Variants in EPB41L3 observed in about 807,000 individuals in gnomAD.
EPB41L3 encodes the protein erythrocyte membrane protein band 4.1 like 3, also known as band 4.1-like protein 3.
A neutral mutation model predicts 127.1 loss-of-function variants in EPB41L3; 57 were observed. The ratio of observed to expected loss-of-function variants is 0.45; its 90% confidence interval spans 0.36 to 0.56. The LOEUF is 0.56. Ranked by LOEUF, EPB41L3 falls within the 20% of genes least tolerant of loss-of-function variation. The pLI, the probability that EPB41L3 is intolerant of heterozygous loss-of-function variation, is 0.00. For missense variants in EPB41L3, 1,273 were observed against 1,372.2 expected (o/e 0.93, Z 1.14); for synonymous variants, 572 against 549.5 (o/e 1.04, Z -0.57).
At chr18:5,419,300 G>A (rs1164794448) in intron 12 of EPB41L3, among the ~76,000 whole-genome samples, 1 of 152,166 alleles carries the variant, frequency 6.6e-6, no homozygotes, top group African/African-American at 2.4e-5. Flanking sequence ...ACAGTCAGAA[G>A]AATGGCAATA....
intron 3 of EPB41L3, among the ~76,000 whole-genome samples, chr18:5,475,168 C>T (rs113425655): frequency 3.9e-5 from 6 of 152,144 alleles, no homozygotes; most frequent in African/African-American, 7.2e-5. Context: ...CTATAATTCT[C>T]GCTGAATATG....
chr18:5,477,929 C>A (rs2087571812), intron 3 of EPB41L3, among the ~76,000 whole-genome samples: 1 of 152,166 alleles, frequency 6.6e-6, no homozygotes, highest in Non-Finnish European at 1.5e-5. Flanking sequence ...TAAATAATAG[C>A]TCGCAGTCAG....
chr18:5,593,457 G>C (rs1223626614), intron 3 of EPB41L3, among the ~76,000 whole-genome samples: 1 of 152,010 alleles, frequency 6.6e-6, no homozygotes, highest in Non-Finnish European at 1.5e-5. Context: ...GTACGAATAG[G>C]GTGTGGGTCA....
rs192237391 is a variant in EPB41L3 at position 5,617,078 on chromosome 18, C to T, written c.-467-2655G>A. Reference sequence around the variant, plus strand: ...TTATTGTATCAATTTACCTTCTTCCCTCCAGTGATGTATAAGATTTGGTAT... The same window carrying T: ...TTATTGTATCAATTTACCTTCTTCCTTCCAGTGATGTATAAGATTTGGTAT... On this transcript the variant is annotated intron_variant, in intron 1 of 21. Coordinates refer to the EPB41L3 transcript ENST00000545076. 1.5e-3 allele frequency among the ~76,000 whole-genome samples: 223 copies of T among 152,250 alleles called. 2 individuals carry two copies. The highest frequency in any genetic ancestry group is 4.9e-4 in the Non-Finnish European group (33 of 68,028).
chr18:5,499,821 A>G (rs1250465720), intron 1 of EPB41L3, among the ~76,000 whole-genome samples: 12 of 138,098 alleles, frequency 8.7e-5, no homozygotes, highest in Admixed American at 4.4e-4. Context: ...CATACTTACT[A>G]TGTGTGTGTA....
rs2094207237 is a variant in EPB41L3 at position 5,566,752 on chromosome 18, C to CCA, written c.-306+45587_-306+45588insTG. ...CTATTCTATTCTATTCTATTCTATT[C>CCA]TATTCTATTCTATTCTATTCTATTC... On this transcript the variant is annotated intron_variant, in intron 3 of 21. Transcript: ENST00000545076. Among the ~76,000 whole-genome samples the CCA allele has an allele frequency of 2.9e-5, 4 of 137,786 alleles. No individual in the cohort carries two copies. In the East Asian group the frequency reaches 6.9e-4, roughly 24 times the overall value. 90.4% of individuals were successfully genotyped at this position (137,786 alleles called of 152,430 possible). A position where few individuals can be genotyped will look rare whatever the true frequency, so the allele number is the denominator to read the frequency against.
intron 1 of EPB41L3, among the ~76,000 whole-genome samples, chr18:5,627,839 C>T (rs1489905955): frequency 6.6e-6 from 1 of 152,188 alleles, no homozygotes; most frequent in Non-Finnish European, 1.5e-5. Flanking sequence ...TACCTCTGCT[C>T]CTCAGTACTG....
intron 1 of EPB41L3, among the ~76,000 whole-genome samples, chr18:5,525,794 A>T (rs1391219500): frequency 6.6e-6 from 1 of 152,188 alleles, no homozygotes; most frequent in Non-Finnish European, 1.5e-5. Context: ...TGAATATCTA[A>T]ATTGATATTG....
chr18:5,574,187 C>T (rs931927393), intron 3 of EPB41L3, among the ~76,000 whole-genome samples: 1 of 151,984 alleles, frequency 6.6e-6, no homozygotes, highest in Admixed American at 6.6e-5. Context: ...TACTTTAATT[C>T]GCTAGTGATT....
intron 16 of EPB41L3, 187 bp from the exon 17 acceptor site, chr18:5,398,330 GT>G (rs2073935234): frequency 1.5e-6 from 1 of 673,890 alleles, no homozygotes; most frequent in Admixed American, 2.8e-5. Flanking sequence ...CTCTTGTTTG[GT>G]AAAGCAGAGA....
chr18:5,559,355 G>A lies in EPB41L3; in HGVS notation c.-306+52985C>T, dbSNP rs142533263. Among the ~76,000 whole-genome samples, 41 of 152,310 alleles carry A rather than the reference G, an allele frequency of 2.7e-4. No individual in the cohort carries two copies. In the East Asian group the frequency reaches 6.8e-3, roughly 25 times the overall value. On this transcript the variant is annotated intron_variant, in intron 3 of 21. Transcript: ENST00000545076. ...CAAAGGCAAAAAGACAAAGGGAGAA[G>A]TCCTTACTTCTCCACCCGCCTTGCA...
intron 14 of EPB41L3, among the ~76,000 whole-genome samples, chr18:5,409,741 A>T (rs1307655650): frequency 6.6e-6 from 1 of 151,758 alleles, no homozygotes; most frequent in Non-Finnish European, 1.5e-5. Context: ...AACCTAAAAT[A>T]AACATTATTA....
chr18:5,466,906 A>G (rs1159262239), intron 3 of EPB41L3, among the ~76,000 whole-genome samples: 1 of 152,240 alleles, frequency 6.6e-6, no homozygotes, highest in African/African-American at 2.4e-5. Flanking sequence ...ATGAATTGAA[A>G]TGCTAACTAA....
At chr18:5,447,445 CTACT>C (rs1316758305) in intron 3 of EPB41L3, among the ~76,000 whole-genome samples, 1 of 130,954 alleles carries the variant, frequency 7.6e-6, no homozygotes, top group African/African-American at 2.8e-5. Flanking sequence ...TTTAGCTAGA[CTACT>C]TTTTTTTTTT....
At chr18:5,498,687 A>G (rs1352798495) in intron 1 of EPB41L3, among the ~76,000 whole-genome samples, 2 of 151,904 alleles carry the variant, frequency 1.3e-5, no homozygotes, top group African/African-American at 4.8e-5. Context: ...TGAGGTTTTA[A>G]GCAAAAAAAT....
At chr18:5,473,799 T>A (rs2086613556) in intron 3 of EPB41L3, among the ~76,000 whole-genome samples, 1 of 152,116 alleles carries the variant, frequency 6.6e-6, no homozygotes, top group Non-Finnish European at 1.5e-5. Flanking sequence ...AAGAGGAGAA[T>A]CACATAGTGA....
chr18:5,396,090 T>C, intron 19 of EPB41L3, 111 bp downstream of exon 19: 1 of 1,328,874 alleles, frequency 7.5e-7, no homozygotes, highest in Non-Finnish European at 1.1e-6. Context: ...GTCTGGCTGC[T>C]GGATCCTCTA....
intron 1 of EPB41L3, among the ~76,000 whole-genome samples, chr18:5,509,115 C>T (rs1374942121): frequency 2.0e-5 from 3 of 152,178 alleles, no homozygotes; most frequent in Non-Finnish European, 2.9e-5. Flanking sequence ...CATAAACATT[C>T]AAACTGGTTT....
intron 3 of EPB41L3, among the ~76,000 whole-genome samples, chr18:5,567,722 C>T (rs1313329417): frequency 6.6e-6 from 1 of 152,148 alleles, no homozygotes; most frequent in Non-Finnish European, 1.5e-5. Context: ...TCAACAGATA[C>T]ATGAGCTAGT....
Sources: allele counts gnomAD v4.1 joint callset (sites outside exome capture counted in the v4.1 genomes callset), GRCh38; gene constraint gnomAD v4.1.1; transcripts MANE v1.5; gene names NCBI Gene and HGNC (gene_info 2026-07-23, HGNC 2026-07-21).